ANK2: variants seen among roughly 807,000 people sequenced by gnomAD.
ANK2 encodes ankyrin-2.
ANK2 carries 83 observed loss-of-function variants against 360.5 expected under a neutral mutation model. The ratio of observed to expected loss-of-function variants is 0.23; its 90% CI spans 0.19 to 0.28. The LOEUF is 0.28. ANK2 is among the 10% of genes least tolerant of loss of function. The pLI is 1.00. For missense variants in ANK2, 4,201 were observed against 4,795.7 expected (o/e 0.88, Z 3.66); for synonymous variants, 1,740 against 1,759.5 (o/e 0.99, Z 0.28).
At chr4:113,158,241 ATGAAGAAT>A (rs1158052274) in intron 1 of ANK2, among the ~76,000 whole-genome samples, 4 of 152,228 alleles carry the variant, frequency 2.6e-5, no homozygotes, top group Non-Finnish European at 5.9e-5. Flanking sequence ...TCATGTAAAA[ATGAAGAAT>A]TGCCTTGCTT....
At chr4:112,766,542 A>T in the ANK2 span, among the ~76,000 whole-genome samples, 1 of 152,104 alleles carries the variant, frequency 6.6e-6, no homozygotes, top group Non-Finnish European at 1.5e-5. Flanking sequence ...AAGTGGTATT[A>T]TCTATACTTA....
rs533742507 is a variant in ANK2, at chr4:112,830,975, G to A, written c.-40+12711G>A. On this transcript the variant is annotated intron_variant, in intron 1 of 30. Transcript: ENST00000503271. ...GGCCAGCAGCTGCGGAGGGTGCCCC[G>A]GGTCCCCCAGCACTGCTGGCCCACC... is the stretch of plus-strand genomic sequence containing the variant. 5.5e-4 allele frequency among the ~76,000 whole-genome samples: 84 copies of A among 152,268 alleles called. 1 individual carries two copies. The highest frequency in any genetic ancestry group is 1.9e-3 in the African/African-American group (78 of 41,562).
the ANK2 span, among the ~76,000 whole-genome samples, chr4:112,787,004 C>T: frequency 2.0e-5 from 3 of 152,158 alleles, no homozygotes; most frequent in South Asian, 6.2e-4. Context: ...CCACCTTGGT[C>T]TCCCAAAGTG....
chr4:113,066,230 C>G (rs568525063), intron 1 of ANK2, among the ~76,000 whole-genome samples: 2 of 152,274 alleles, frequency 1.3e-5, no homozygotes, highest in East Asian at 1.9e-4. Flanking sequence ...TGAGCGTGCT[C>G]TTAGGCCTCT....
the ANK2 span, among the ~76,000 whole-genome samples, chr4:112,725,357 CTT>C: frequency 1.4e-4 from 10 of 73,586 alleles, no homozygotes; most frequent in East Asian, 1.0e-3. Context: ...AAGACACAGT[CTT>C]TTTTTTTTTT....
chr4:113,149,610 C>T (rs186903330), intron 1 of ANK2, among the ~76,000 whole-genome samples: 4 of 151,838 alleles, frequency 2.6e-5, no homozygotes, highest in South Asian at 2.1e-4. Context: ...CATGGTGGCT[C>T]GCATCTGTAA....
At chr4:113,214,208 A>G (rs1191103369) in intron 4 of ANK2, 22 of 922,564 alleles carry the variant, frequency 2.4e-5, no homozygotes, top group Non-Finnish European at 8.7e-6. Flanking sequence ...TGGGAAGCAC[A>G]TAGGCATCGA....
At chr4:113,217,731 C>T (rs2099102140) in intron 4 of ANK2, among the ~76,000 whole-genome samples, 1 of 152,164 alleles carries the variant, frequency 6.6e-6, no homozygotes, top group Admixed American at 6.5e-5. Context: ...CCCCGACTCA[C>T]CTTCTGCTGT....
chr4:113,138,516 T>C (rs1394053044), intron 1 of ANK2, among the ~76,000 whole-genome samples: 1 of 152,218 alleles, frequency 6.6e-6, no homozygotes, highest in East Asian at 1.9e-4. Flanking sequence ...GCATCAGATA[T>C]TTAGTTTGAA....
At chr4:113,139,379 T>C (rs1040601223) in intron 1 of ANK2, among the ~76,000 whole-genome samples, 1 of 152,234 alleles carries the variant, frequency 6.6e-6, no homozygotes, top group Non-Finnish European at 1.5e-5. Flanking sequence ...AATTATACTC[T>C]GGCTTAGGCT....
intron 2 of ANK2, among the ~76,000 whole-genome samples, chr4:112,968,039 A>G (rs976993074): frequency 6.6e-6 from 1 of 151,840 alleles, no homozygotes. Flanking sequence ...TTTTCCCCCA[A>G]CCTCTCACCT....
intron 1 of ANK2, among the ~76,000 whole-genome samples, chr4:112,898,043 C>A (rs965132461): frequency 6.6e-6 from 1 of 152,088 alleles, no homozygotes; most frequent in Non-Finnish European, 1.5e-5. Flanking sequence ...GAGAAGCCAA[C>A]CATCTTTATC....
At chr4:113,072,529 T>A (rs1463549985) in intron 1 of ANK2, among the ~76,000 whole-genome samples, 1 of 152,190 alleles carries the variant, frequency 6.6e-6, no homozygotes, top group Non-Finnish European at 1.5e-5. Flanking sequence ...CATGAGATAT[T>A]CTCAAAGTTA....
At chr4:113,315,945 G>A (rs543145959) in intron 24 of ANK2, among the ~76,000 whole-genome samples, 44 of 150,432 alleles carry the variant, frequency 2.9e-4, no homozygotes, top group Non-Finnish European at 5.6e-4. Flanking sequence ...CGTGCCACCT[G>A]GTACAAAACA....
chr4:113,064,808 C>T (rs1274449748), intron 1 of ANK2, among the ~76,000 whole-genome samples: 128 of 66,918 alleles, frequency 1.9e-3, no homozygotes, highest in East Asian at 6.9e-3. Context: ...TGTAGAACTT[C>T]TAACAAAAAT....
intron 1 of ANK2, among the ~76,000 whole-genome samples, chr4:113,089,349 G>T (rs1409352441): frequency 6.6e-6 from 1 of 152,142 alleles, no homozygotes; most frequent in Non-Finnish European, 1.5e-5. Context: ...TAGATTATTT[G>T]TCTCTAAAAT....
intron 1 of ANK2, among the ~76,000 whole-genome samples, chr4:113,129,200 T>A (rs966719892): frequency 6.6e-6 from 1 of 152,182 alleles, no homozygotes; most frequent in Non-Finnish European, 1.5e-5. Flanking sequence ...AAGGGACAGA[T>A]TTTTTTATAG....
In ANK2 at chr4:113,161,695, C is replaced by CGTGTGTGT. The variant is rs56162406; in HGVS notation, c.85-12689_85-12682dup. ...CCTGTACAAAATTTTGTTTTAGTCTCGTGTGTGTGTGTGTGTGTGTGTGTG... is the reference window on the plus strand; with the variant it reads ...CCTGTACAAAATTTTGTTTTAGTCTCGTGTGTGTGTGTGTGTGTGTGTGTGTGTGTGTG... On this transcript the variant is annotated intron_variant, in intron 1 of 45. Coordinates refer to ENST00000357077, the MANE Select transcript of ANK2 (RefSeq NM_001148.6). Among the ~76,000 whole-genome samples the CGTGTGTGT allele has an allele frequency of 5.0e-3, 731 of 144,824 alleles. 11 individuals are homozygous for CGTGTGTGT. Among genetic ancestry groups the CGTGTGTGT allele is most frequent in the African/African-American group, 0.018 (699 of 39,344 alleles).
chr4:113,367,312 C>T (rs2096572085), intron 41 of ANK2, among the ~76,000 whole-genome samples: 1 of 152,016 alleles, frequency 6.6e-6, no homozygotes, highest in African/African-American at 2.4e-5. Flanking sequence ...TAGGTGCTCC[C>T]ACACTCATTG....
Sources: allele counts gnomAD v4.1 joint callset (sites outside exome capture counted in the v4.1 genomes callset), GRCh38; gene constraint gnomAD v4.1.1; transcripts MANE v1.5; gene names NCBI Gene and HGNC (gene_info 2026-07-23, HGNC 2026-07-21).